The following ITGA9 variants were observed in gnomAD, a reference collection of about 807,000 sequenced individuals.
ITGA9 encodes integrin alpha-9.
Under a neutral mutation model 127.8 loss-of-function variants are expected in ITGA9, and 56 were observed. The observed-to-expected ratio is 0.44, with a 90% CI of 0.35 to 0.55. ITGA9 has a LOEUF of 0.55. ITGA9 is among the 20% of genes least tolerant of loss of function. The pLI is 0.00. For missense variants in ITGA9, 1,196 were observed against 1,347.1 expected (o/e 0.89, Z 1.76); for synonymous variants, 508 against 514.5 (o/e 0.99, Z 0.17).
chr3:37,812,153 A>G (rs555382870), intron 27 of ITGA9, among the ~76,000 whole-genome samples: 1 of 152,318 alleles, frequency 6.6e-6, no homozygotes, highest in East Asian at 1.9e-4. Flanking sequence ...CACTGCCTCA[A>G]TTAGAACCAT....
At chr3:37,707,146 A>G (rs1394871969) in intron 18 of ITGA9, among the ~76,000 whole-genome samples, 1 of 152,258 alleles carries the variant, frequency 6.6e-6, no homozygotes, top group Non-Finnish European at 1.5e-5. Context: ...GAACTGATTT[A>G]CTTTAATCAC....
chr3:37,510,423 G>A (rs966477360), intron 8 of ITGA9, among the ~76,000 whole-genome samples: 1 of 152,084 alleles, frequency 6.6e-6, no homozygotes, highest in African/African-American at 2.4e-5. Context: ...CCCTGGGGAG[G>A]TCCGGTTAAT....
At chr3:37,584,329 C>T (rs1477657349) in intron 15 of ITGA9, among the ~76,000 whole-genome samples, 1 of 152,180 alleles carries the variant, frequency 6.6e-6, no homozygotes, top group East Asian at 1.9e-4. Flanking sequence ...ATCACTTCTG[C>T]CCTCATTCCA....
intron 15 of ITGA9, among the ~76,000 whole-genome samples, chr3:37,558,077 CT>C (rs1339067806): frequency 6.6e-6 from 1 of 152,192 alleles, no homozygotes; most frequent in Non-Finnish European, 1.5e-5. Flanking sequence ...CGAGGTTGCA[CT>C]TTTCAGCCGC....
chr3:37,697,922 A>G (rs1700902792), intron 18 of ITGA9, among the ~76,000 whole-genome samples: 2 of 152,224 alleles, frequency 1.3e-5, no homozygotes, highest in Admixed American at 6.5e-5. Flanking sequence ...TGTCTTCCAC[A>G]ATGGTTGAAC....
intron 18 of ITGA9, among the ~76,000 whole-genome samples, chr3:37,722,470 C>T (rs1405347758): frequency 6.6e-6 from 1 of 152,210 alleles, no homozygotes; most frequent in African/African-American, 2.4e-5. Flanking sequence ...TACCCCTTCC[C>T]CTATTTCCAC....
chr3:37,750,923 T>A (rs941448118), intron 23 of ITGA9, among the ~76,000 whole-genome samples: 34 of 152,236 alleles, frequency 2.2e-4, no homozygotes, highest in Non-Finnish European at 4.1e-4. Context: ...CTGCAGTCCA[T>A]GTTGAGAGGA....
chr3:37,726,789 G>A (rs1390716616), intron 18 of ITGA9, among the ~76,000 whole-genome samples: 1 of 152,212 alleles, frequency 6.6e-6, no homozygotes, highest in South Asian at 2.1e-4. Flanking sequence ...GCCAGGCTCG[G>A]TGCCAGACAC....
At chr3:37,762,014 A>G (rs1696728836) in intron 23 of ITGA9, among the ~76,000 whole-genome samples, 1 of 152,270 alleles carries the variant, frequency 6.6e-6, no homozygotes, top group Non-Finnish European at 1.5e-5. Context: ...AAAATAGGCA[A>G]GCAGCAGCCC....
chr3:37,626,043 C>T (rs915586250), intron 15 of ITGA9, among the ~76,000 whole-genome samples: 4 of 152,198 alleles, frequency 2.6e-5, no homozygotes, highest in Admixed American at 6.5e-5. Flanking sequence ...AGATATGCCA[C>T]GACTCAGGTT....
At chr3:37,756,837 G>A (rs1696657842) in intron 23 of ITGA9, among the ~76,000 whole-genome samples, 1 of 151,994 alleles carries the variant, frequency 6.6e-6, no homozygotes, top group Non-Finnish European at 1.5e-5. Context: ...CAATAAACTT[G>A]GAAGCTAAAA....
intron 15 of ITGA9, among the ~76,000 whole-genome samples, chr3:37,613,639 T>A (rs1425721530): frequency 6.6e-6 from 1 of 152,216 alleles, no homozygotes; most frequent in Non-Finnish European, 1.5e-5. Flanking sequence ...TTTCCTGACT[T>A]TTTAATGATC....
rs371766822 is a variant in ITGA9, at chr3:37,519,049, T to G, written c.1142-211T>G. On this transcript the variant is annotated intron_variant, in intron 10 of 27. Coordinates refer to ENST00000264741, the MANE Select transcript of ITGA9 (RefSeq NM_002207.3). ...ACCTGCCCGCCTTGGCCTGCCAAAG[T>G]GCTGGGATTACAGGCGTGAGCCACC... is the stretch of plus-strand genomic sequence containing the variant. Among the ~76,000 whole-genome samples, 23 of 151,464 alleles carry G rather than the reference T, an allele frequency of 1.5e-4. No individual in the cohort carries two copies. In the East Asian group the frequency reaches 1.6e-3, roughly 10 times the overall value.
At chr3:37,493,415 G>A (rs1698692434) in intron 4 of ITGA9, among the ~76,000 whole-genome samples, 1 of 152,222 alleles carries the variant, frequency 6.6e-6, no homozygotes, top group Non-Finnish European at 1.5e-5. Flanking sequence ...CAGCCTGAGG[G>A]TGCCCAGGAG....
At chr3:37,503,391 G>T in intron 6 of ITGA9, 84 bp downstream of exon 6, 1 of 1,514,702 alleles carries the variant, frequency 6.6e-7, no homozygotes, top group South Asian at 1.2e-5. Context: ...TTCATTGTTG[G>T]AAAGAGGAGT....
intron 3 of ITGA9, among the ~76,000 whole-genome samples, chr3:37,476,014 T>C (rs1259949898): frequency 6.6e-6 from 1 of 152,252 alleles, no homozygotes; most frequent in Non-Finnish European, 1.5e-5. Flanking sequence ...TGTTGTAGCA[T>C]GTGACCGGAT....
chr3:37,677,192 A>G (rs1210551319), intron 17 of ITGA9, among the ~76,000 whole-genome samples: 1 of 152,226 alleles, frequency 6.6e-6, no homozygotes, highest in Admixed American at 6.5e-5. Flanking sequence ...CCTGTAGCTT[A>G]ATTAACACCG....
At chr3:37,591,158 A>G (rs1009208536) in intron 15 of ITGA9, among the ~76,000 whole-genome samples, 1 of 152,098 alleles carries the variant, frequency 6.6e-6, no homozygotes, top group Non-Finnish European at 1.5e-5. Flanking sequence ...TCTGCTGAGG[A>G]TAAGCTTTGT....
chr3:37,659,800 TTCC>T (rs967773708), intron 17 of ITGA9, among the ~76,000 whole-genome samples: 4 of 152,142 alleles, frequency 2.6e-5, no homozygotes, highest in Non-Finnish European at 4.4e-5. Flanking sequence ...GTGCTAGTTT[TTCC>T]TCATCTTCAT....
Sources: allele counts gnomAD v4.1 joint callset (sites outside exome capture counted in the v4.1 genomes callset), GRCh38; gene constraint gnomAD v4.1.1; transcripts MANE v1.5; gene names NCBI Gene and HGNC (gene_info 2026-07-23, HGNC 2026-07-21).